IQCM: variants seen among roughly 807,000 people sequenced by gnomAD.
The protein encoded by IQCM is IQ domain-containing protein M.
In IQCM, 45 loss-of-function variants were observed where a neutral mutation model predicts 57.6. That is an observed-to-expected ratio of 0.78 (90% CI 0.62 to 1.00). IQCM has a LOEUF of 1.00. IQCM is among the 50% of genes least tolerant of loss of function. IQCM has a pLI of 0.00. For missense variants in IQCM, 468 were observed against 511.6 expected, an observed-to-expected ratio of 0.91 and a Z score of 0.82; for synonymous variants, 148 against 158.9, an observed-to-expected ratio of 0.93 and a Z score of 0.51.
intron 9 of IQCM, among the ~76,000 whole-genome samples, chr4:149,566,377 T>C (rs1165692343): frequency 6.6e-6 from 1 of 152,150 alleles, no homozygotes; most frequent in African/African-American, 2.4e-5. Context: ...GATGGTAGGG[T>C]GATATGTAAT....
intron 9 of IQCM, among the ~76,000 whole-genome samples, chr4:149,569,331 C>T (rs930071472): frequency 6.6e-6 from 1 of 152,162 alleles, no homozygotes; most frequent in Non-Finnish European, 1.5e-5. Context: ...GGTAAATTAT[C>T]TGTCAAGTCG....
chr4:149,779,185 G>A (rs560402371), intron 2 of IQCM, among the ~76,000 whole-genome samples: 24 of 152,120 alleles, frequency 1.6e-4, no homozygotes, highest in Non-Finnish European at 2.9e-4. Context: ...CAAAAACCCA[G>A]CAATGTAATC....
chr4:149,721,715 C>T (rs1765463828), intron 5 of IQCM, among the ~76,000 whole-genome samples: 1 of 152,084 alleles, frequency 6.6e-6, no homozygotes, highest in Admixed American at 6.6e-5. Context: ...TAGGTTGATT[C>T]CATATCTTCG....
chr4:149,563,314 C>G (rs1179081886), intron 10 of IQCM, among the ~76,000 whole-genome samples: 5 of 151,982 alleles, frequency 3.3e-5, no homozygotes, highest in African/African-American at 1.2e-4. Flanking sequence ...ATAGGTGGTC[C>G]CAGAATTGCT....
intron 12 of IQCM, among the ~76,000 whole-genome samples, chr4:149,522,441 A>T (rs1745748375): frequency 6.6e-6 from 1 of 152,244 alleles, no homozygotes; most frequent in Non-Finnish European, 1.5e-5. Context: ...TAGCACTTGA[A>T]CAAAATAACG....
At chr4:149,388,545 TAATATATATA>T (rs1221509982) in intron 13 of IQCM, among the ~76,000 whole-genome samples, 7 of 133,476 alleles carry the variant, frequency 5.2e-5, no homozygotes, top group Non-Finnish European at 1.1e-4. Flanking sequence ...ATATTATATA[TAATATATATA>T]ATATATTTAT....
At chr4:149,542,192 C>T (rs1301024597) in intron 12 of IQCM, among the ~76,000 whole-genome samples, 1 of 151,924 alleles carries the variant, frequency 6.6e-6, no homozygotes, top group Admixed American at 6.6e-5. Flanking sequence ...ATTGGAGTGG[C>T]CCCTTTCTGT....
intron 5 of IQCM, among the ~76,000 whole-genome samples, chr4:149,705,730 T>C (rs1375381297): frequency 6.6e-6 from 1 of 151,944 alleles, no homozygotes; most frequent in Non-Finnish European, 1.5e-5. Flanking sequence ...CCTTTGGTCA[T>C]GAAAGAAGGT....
chr4:149,566,497 C>A (rs999384889), intron 9 of IQCM, among the ~76,000 whole-genome samples: 2 of 150,692 alleles, frequency 1.3e-5, no homozygotes, highest in Non-Finnish European at 3.0e-5. Flanking sequence ...TGTGTGTGTG[C>A]GTGTGTGTAC....
At chr4:149,474,750 T>TA (rs2149737374) in intron 12 of IQCM, among the ~76,000 whole-genome samples, 1 of 151,540 alleles carries the variant, frequency 6.6e-6, no homozygotes, top group South Asian at 2.1e-4. Context: ...AATTAAAAAA[T>TA]AAAAACAGAG....
intron 8 of IQCM, among the ~76,000 whole-genome samples, chr4:149,613,691 G>A (rs1033503169): frequency 1.3e-5 from 2 of 151,822 alleles, no homozygotes; most frequent in Non-Finnish European, 2.9e-5. Context: ...TTAACATTAG[G>A]TATATCTCCT....
chr4:149,643,338 G>C (rs903579917), intron 7 of IQCM, among the ~76,000 whole-genome samples: 2 of 152,150 alleles, frequency 1.3e-5, no homozygotes, highest in African/African-American at 4.8e-5. Flanking sequence ...ACCATCTAAT[G>C]GGGAAAAGTA....
At chr4:149,464,093 T>A (rs922008812) in intron 12 of IQCM, among the ~76,000 whole-genome samples, 2 of 152,172 alleles carry the variant, frequency 1.3e-5, no homozygotes, top group African/African-American at 4.8e-5. Context: ...GTGGTATCCA[T>A]CTTTTTCCTC....
intron 12 of IQCM, among the ~76,000 whole-genome samples, chr4:149,533,793 A>C (rs866925927): frequency 2.0e-5 from 3 of 152,108 alleles, no homozygotes; most frequent in Non-Finnish European, 2.9e-5. Flanking sequence ...CTCCCATCAC[A>C]TGTGGGGATT....
At chr4:149,571,065 A>G (rs868625729) in intron 9 of IQCM, among the ~76,000 whole-genome samples, 10 of 152,204 alleles carry the variant, frequency 6.6e-5, no homozygotes, top group Middle Eastern at 6.8e-3. Flanking sequence ...AATTAGCACA[A>G]CCTTATGGAA....
chr4:149,591,641 C>G (rs572644463), intron 8 of IQCM, among the ~76,000 whole-genome samples: 2 of 152,054 alleles, frequency 1.3e-5, no homozygotes. Flanking sequence ...TGTGATGTTC[C>G]CCACCCTGTG....
intron 13 of IQCM, among the ~76,000 whole-genome samples, chr4:149,355,137 T>C (rs951591245): frequency 6.6e-6 from 1 of 152,168 alleles, no homozygotes; most frequent in South Asian, 2.1e-4. Flanking sequence ...CTGGCAATTA[T>C]AATATTATTA....
intron 13 of IQCM, among the ~76,000 whole-genome samples, chr4:149,424,087 G>C (rs940148370): frequency 4.0e-5 from 6 of 151,842 alleles, no homozygotes; most frequent in African/African-American, 9.7e-5. Context: ...CCTACTATGG[G>C]CTGAGAATTA....
chr4:149,360,862 A>G (rs1033247653), intron 13 of IQCM, among the ~76,000 whole-genome samples: 2 of 152,224 alleles, frequency 1.3e-5, no homozygotes, highest in Non-Finnish European at 2.9e-5. Flanking sequence ...ATACCCGAAA[A>G]TGTGGAAGCA....
Sources: allele counts gnomAD v4.1 joint callset (sites outside exome capture counted in the v4.1 genomes callset), GRCh38; gene constraint gnomAD v4.1.1; transcripts MANE v1.5; gene names NCBI Gene and HGNC (gene_info 2026-07-23, HGNC 2026-07-21).